Variants in AXL observed in about 807,000 individuals in gnomAD.
AXL encodes the protein AXL receptor tyrosine kinase, also known as tyrosine-protein kinase receptor UFO.
Under a neutral mutation model 104.5 loss-of-function variants are expected in AXL, and 52 were observed. The ratio of observed to expected loss-of-function variants is 0.50; its 90% CI spans 0.40 to 0.63. AXL has a LOEUF of 0.63. Among genes scored for constraint, AXL ranks in the 20% least tolerant of loss-of-function variants. The pLI is 0.00. For missense variants in AXL, 1,024 were observed against 1,188.5 expected, an observed-to-expected ratio of 0.86 and a Z score of 2.04; for synonymous variants, 455 against 473.7, an observed-to-expected ratio of 0.96 and a Z score of 0.51.
At chr19:41,222,090 G>A in intron 4 of AXL, 34 bp downstream of exon 4, 4 of 1,485,778 alleles carry the variant, frequency 2.7e-6, no homozygotes, top group Non-Finnish European at 3.6e-6. Context: ...CTCCGAATAG[G>A]GGGCCGGGCA....
rs2033984994 is a variant in AXL at position 41,231,314 on chromosome 19, T to C, written c.783+16T>C. The C allele has an allele frequency of 6.2e-7, 1 of 1,603,640 alleles. No homozygotes were observed. The highest frequency in any genetic ancestry group is 8.5e-7 in the Non-Finnish European group (1 of 1,173,130). ...CACCCTGCAGGTGAGACTCCCAAAC[T>C]TGGTTCATTTCAGTCTCAGGCCTCC... is the stretch of plus-strand genomic sequence containing the variant. On this transcript the variant is annotated intron_variant, in intron 6 of 19. Transcript: ENST00000301178.
Position 41,259,940 on chromosome 19 carries a change from A to G in AXL, c.*36A>G, listed in dbSNP as rs1021912094. 5 of 1,504,084 alleles carry G rather than the reference A, an allele frequency of 3.3e-6. No individual in the cohort carries two copies. Among genetic ancestry groups the G allele is most frequent in the African/African-American group, 1.4e-5 (1 of 71,484 alleles). The allele number at this position is 1,504,084 out of a possible 1,614,324, so 93.2% of individuals were successfully genotyped here. A position where few individuals can be genotyped will look rare whatever the true frequency, so the allele number is the denominator to read the frequency against. ...CACCTGGTACTCCCTCTCAGGATCC[A>G]AGCTAAGCACTGCCACTGGGGAAAA... On this transcript the variant is annotated 3_prime_UTR_variant, in exon 20 of 20. Coordinates refer to ENST00000301178, the MANE Select transcript of AXL (RefSeq NM_021913.5).
At position 41,222,020 on chromosome 19, in the gene AXL, C is replaced by A; in HGVS notation, c.550C>A (p.Pro184Thr). The A allele has an allele frequency of 6.2e-7, 1 of 1,600,234 alleles. No individual in the cohort carries two copies. The highest frequency in any genetic ancestry group is 1.1e-5 in the South Asian group (1 of 88,932). The change falls in exon 4 of 20, where the codon CCA becomes ACA. Residue 184 changes from proline (P) to threonine (T), a missense_variant. Coordinates refer to ENST00000301178, the MANE Select transcript of AXL (RefSeq NM_021913.5). ...GGATGCTGTCCCCCTGGCCACGGCT[C>A]CAGGTCACGGCCCCCAGCGCAGCCT... ...LQDAVPLATA[P>T]GHGPQRSLHV...
At chr19:41,259,302 C>G (rs1243501465) in intron 19 of AXL, among the ~76,000 whole-genome samples, 1 of 152,154 alleles carries the variant, frequency 6.6e-6, no homozygotes, top group Non-Finnish European at 1.5e-5. Flanking sequence ...CTAGCAAACC[C>G]TCATCAGAAT....
chr19:41,220,489 A>G, intron 1 of AXL, 147 bp from the exon 2 acceptor site: 1 of 661,522 alleles, frequency 1.5e-6, no homozygotes, highest in Non-Finnish European at 2.6e-6. Flanking sequence ...TCCGCCCTCC[A>G]CCCCACTCTG....
At position 41,219,324 on chromosome 19, in the gene AXL, C is replaced by G. The variant is rs879539383; in HGVS notation, c.-69C>G. The stretch of plus-strand genomic sequence containing the variant: ...GGGAGCCTGGAGCTGGGGGGAGGGC[C>G]GGGGACAGCCCGGCCCTGCCCCCTC... On this transcript the variant is annotated 5_prime_UTR_variant, in exon 1 of 20. Coordinates refer to ENST00000301178, the MANE Select transcript of AXL (RefSeq NM_021913.5). 2.7e-6 allele frequency: 4 copies of G among 1,460,288 alleles called. No homozygotes were observed. Among genetic ancestry groups the G allele is most frequent in the Non-Finnish European group, 3.7e-6 (4 of 1,078,968 alleles). 90.5% of individuals were successfully genotyped at this position (1,460,288 alleles called of 1,614,324 possible). A position where few individuals can be genotyped will look rare whatever the true frequency, so the allele number is the denominator to read the frequency against.
At position 41,256,535 on chromosome 19, in the gene AXL, G is replaced by T. The variant is rs773403341; in HGVS notation, c.2120G>T (p.Arg707Leu). The T allele has an allele frequency of 6.2e-7, 1 of 1,614,196 alleles. No individual in the cohort carries two copies. The highest frequency in any genetic ancestry group is 8.5e-7 in the Non-Finnish European group (1 of 1,180,040). Residue 707 changes from arginine to leucine, a missense_variant, in exon 18 of 20, where the codon CGT (arginine) becomes CTT (leucine). Coordinates refer to ENST00000301178, the MANE Select transcript of AXL (RefSeq NM_021913.5). ...AATGGGGACTACTACCGCCAGGGAC[G>T]TATCGCCAAGATGCCAGTCAAGTGG... ...IYNGDYYRQG[R>L]IAKMPVKWIA... is the part of the protein sequence containing the mutation.
At chr19:41,225,762 C>T (rs758171390) in intron 4 of AXL, among the ~76,000 whole-genome samples, 19 of 152,070 alleles carry the variant, frequency 1.2e-4, no homozygotes, top group Non-Finnish European at 2.8e-4. Context: ...TATCTGTGTG[C>T]CGTTAACTTA....
At chr19:41,240,612 C>G (rs1439020461) in intron 10 of AXL, among the ~76,000 whole-genome samples, 1 of 152,174 alleles carries the variant, frequency 6.6e-6, no homozygotes. Flanking sequence ...ACTCAACCCA[C>G]TAGCCTTCAA....
intron 18 of AXL, among the ~76,000 whole-genome samples, chr19:41,257,148 A>G (rs1338955944): frequency 6.6e-6 from 1 of 152,090 alleles, no homozygotes; most frequent in Non-Finnish European, 1.5e-5. Flanking sequence ...GGTTCAAGCA[A>G]TTCTCCTGCC....
intron 12 of AXL, among the ~76,000 whole-genome samples, chr19:41,244,924 A>G (rs1430659863): frequency 1.4e-5 from 2 of 147,856 alleles, no homozygotes; most frequent in Non-Finnish European, 3.0e-5. Context: ...TTTGCTCTGA[A>G]GTCTATACTA....
intron 14 of AXL, among the ~76,000 whole-genome samples, chr19:41,249,134 C>CAGGA (rs2034319166): frequency 6.6e-6 from 1 of 152,094 alleles, no homozygotes; most frequent in African/African-American, 2.4e-5. Flanking sequence ...GGACACCAGG[C>CAGGA]AGGAGCTGGT....
chr19:41,257,416 G>A (rs781657247), intron 18 of AXL, 77 bp from the exon 19 acceptor site: 2 of 1,552,502 alleles, frequency 1.3e-6, no homozygotes, highest in East Asian at 2.3e-5. Flanking sequence ...ATAAGTGTGG[G>A]TGTACCCATG....
intron 7 of AXL, 87 bp downstream of exon 7, chr19:41,238,241 C>A: frequency 6.6e-7 from 1 of 1,507,206 alleles, no homozygotes; most frequent in Non-Finnish European, 9.2e-7. Context: ...CCTTTCACTC[C>A]TTTACCCCTC....
Position 41,257,602 on chromosome 19 carries a change from A to G in AXL, c.2306A>G (p.Lys769Arg), listed in dbSNP as rs769280740. The change falls in exon 19 of 20, where the codon AAG (lysine) becomes AGG (arginine). Residue 769 changes from lysine to arginine, a missense_variant. Coordinates refer to ENST00000301178, the MANE Select transcript of AXL (RefSeq NM_021913.5). ...YDYLRQGNRL[K>R]QPADCLDGLY... ...TATCTGCGCCAGGGAAATCGCCTGA[A>G]GCAGCCTGCGGACTGTCTGGATGGA... 1.2e-6 allele frequency: 2 copies of G among 1,614,210 alleles called. No homozygotes were observed. The highest frequency in any genetic ancestry group is 1.7e-6 in the Non-Finnish European group (2 of 1,180,024).
At position 41,248,610 on chromosome 19, in the gene AXL, G is replaced by T. The variant is rs1456472809; in HGVS notation, c.1633+1G>T. 6.2e-7 allele frequency: 1 copy of T among 1,614,086 alleles called. No individual in the cohort carries two copies. Among genetic ancestry groups the T allele is most frequent in the Admixed American group, 1.7e-5 (1 of 60,030 alleles). ...GCCCTGGGGAAGACTCTGGGAGAGGGTGAGTCCCCCGGCAGCATACACACA... is the reference window on the plus strand; with the variant it reads ...GCCCTGGGGAAGACTCTGGGAGAGGTTGAGTCCCCCGGCAGCATACACACA... On this transcript the variant is annotated splice_donor_variant, in intron 13 of 19. Transcript: ENST00000301178. LOFTEE classifies it high-confidence loss of function.
chr19:41,235,561 C>T (rs368360847), intron 6 of AXL, among the ~76,000 whole-genome samples: 1 of 152,068 alleles, frequency 6.6e-6, no homozygotes, highest in African/African-American at 2.4e-5. Context: ...GGATTTGAGC[C>T]CCAGATCCAG....
At chr19:41,257,705 C>T (rs2034477369) in intron 19 of AXL, 76 bp downstream of exon 19, 2 of 1,574,314 alleles carry the variant, frequency 1.3e-6, no homozygotes, top group Non-Finnish European at 1.7e-6. Flanking sequence ...CCTCACAGGT[C>T]CAGGACTCTC....
chr19:41,248,852 G>A, intron 14 of AXL, 32 bp downstream of exon 14: 1 of 1,561,418 alleles, frequency 6.4e-7, no homozygotes, highest in Non-Finnish European at 8.7e-7. Flanking sequence ...AGGACCCCCA[G>A]CTCCTTCCCT....
Sources: gnomAD v4.1 joint callset for allele counts (sites outside exome capture counted in the v4.1 genomes callset) on GRCh38, gnomAD v4.1.1 for gene constraint, MANE v1.5 for transcripts, NCBI Gene and HGNC (gene_info 2026-07-23, HGNC 2026-07-21) for gene names.